FN3K: variants seen among roughly 807,000 people sequenced by gnomAD.
The protein encoded by FN3K is fructosamine 3 kinase, also known as fructosamine-3-kinase.
A neutral mutation model predicts 24.8 loss-of-function variants in FN3K; 24 were observed. The observed-to-expected ratio is 0.97, with a 90% CI of 0.70 to 1.36. FN3K has a LOEUF of 1.36. Among genes scored for constraint, FN3K ranks in the 40% most tolerant of loss-of-function variants. FN3K has a pLI of 0.00. For synonymous variants in FN3K, 192 were observed against 175.2 expected (o/e 1.10, Z -0.76); for missense variants, 449 against 416.7 (o/e 1.08, Z -0.67).
intron 4 of FN3K, among the ~76,000 whole-genome samples, chr17:82,743,927 T>C (rs1432897438): frequency 6.6e-6 from 1 of 152,188 alleles, no homozygotes; most frequent in African/African-American, 2.4e-5. Flanking sequence ...ACAGCCCCTC[T>C]GTTCAGGTGG....
At chr17:82,742,096 C>T (rs1453851203) in intron 4 of FN3K, among the ~76,000 whole-genome samples, 3 of 152,074 alleles carry the variant, frequency 2.0e-5, no homozygotes, top group African/African-American at 7.2e-5. Context: ...TTAGTAGAGA[C>T]GGGGTTTCAT....
In FN3K at chr17:82,735,643, C is replaced by A. The variant is rs761200460; in HGVS notation, c.7C>A (p.Gln3Lys). 3 of 1,538,032 alleles carry A rather than the reference C, an allele frequency of 2.0e-6. No individual in the cohort carries two copies. The highest frequency in any genetic ancestry group is 2.8e-5 in the African/African-American group (2 of 71,692). Residue 3 changes from glutamine (Q) to lysine (K), a missense_variant, in exon 1 of 6, where the codon CAG becomes AAG. Transcript: ENST00000300784. Reference sequence around the variant, plus strand: ...GTCCCGCGCCCCGCACTCCATGGAGCAGCTGCTGCGCGCCGAGCTGCGCAC... The same window carrying A: ...GTCCCGCGCCCCGCACTCCATGGAGAAGCTGCTGCGCGCCGAGCTGCGCAC... ME[Q>K]LLRAELRTAT...
chr17:82,749,951 A>G (rs4789840), intron 5 of FN3K: 54,743 of 187,958 alleles, frequency 0.29, 8,759 homozygotes, highest in Admixed American at 0.37. Context: ...CCAGCTACTC[A>G]GTAGGCTGAG....
intron 1 of FN3K, among the ~76,000 whole-genome samples, chr17:82,736,789 C>A (rs2046904305): frequency 2.0e-5 from 3 of 152,200 alleles, no homozygotes; most frequent in South Asian, 2.1e-4. Context: ...CCTGCTCTGC[C>A]GGCTCAGAAC....
chr17:82,743,683 A>G (rs2046953103), intron 4 of FN3K, among the ~76,000 whole-genome samples: 1 of 152,234 alleles, frequency 6.6e-6, no homozygotes, highest in Admixed American at 6.5e-5. Flanking sequence ...CACTTGCCCT[A>G]GCAGGTAACC....
chr17:82,740,693 A>G (rs1759378803), intron 2 of FN3K, 70 bp from the exon 3 acceptor site: 1 of 1,113,344 alleles, frequency 9.0e-7, no homozygotes, highest in South Asian at 1.3e-5. Flanking sequence ...ACCTTTCTCA[A>G]AATGGAACAA....
At chr17:82,741,216 C>T (rs1232239030) in intron 3 of FN3K, 95 bp from the exon 4 acceptor site, 23 of 1,078,804 alleles carry the variant, frequency 2.1e-5, no homozygotes, top group East Asian at 5.1e-5. Context: ...TATATTCTAG[C>T]ATGCGTAGCC....
Position 82,740,822 on chromosome 17 carries a change from G to A in FN3K, c.353G>A (p.Arg118Lys). 1 of 1,613,654 alleles carries A rather than the reference G, an allele frequency of 6.2e-7. No homozygotes were observed. Among genetic ancestry groups the A allele is most frequent in the Non-Finnish European group, 8.5e-7 (1 of 1,179,722 alleles). ...TTGCATCTTTACAACCAGAAGCTCA[G>A]GGAGAAGTTGAAGGAGGAGGAGAAC... ...ADLHLYNQKL[R>K]EKLKEEENTV... Residue 118 changes from arginine (R) to lysine (K), a missense_variant, in exon 3 of 6, where the codon AGG (arginine) becomes AAG (lysine). Coordinates refer to ENST00000300784, the MANE Select transcript of FN3K (RefSeq NM_022158.4).
chr17:82,742,784 T>C (rs1199492634), intron 4 of FN3K: 1 of 446,558 alleles, frequency 2.2e-6, no homozygotes, highest in African/African-American at 2.0e-5. Context: ...ATATAAGAGC[T>C]AGTTCAAAGT....
chr17:82,739,501 A>G (rs1443046923), intron 2 of FN3K, among the ~76,000 whole-genome samples: 3 of 137,606 alleles, frequency 2.2e-5, no homozygotes, highest in East Asian at 4.2e-4. Context: ...TCTGTCACCC[A>G]GGCTGGAGTG....
intron 5 of FN3K, chr17:82,750,035 G>T (rs2064183374): frequency 3.6e-6 from 1 of 277,814 alleles, no homozygotes; most frequent in South Asian, 3.6e-5. Context: ...TCCAGCCTGG[G>T]TGACAGAGCA....
chr17:82,741,017 T>G, intron 3 of FN3K, 163 bp downstream of exon 3: 1 of 685,384 alleles, frequency 1.5e-6, no homozygotes. Context: ...AGAATTTTGA[T>G]GTAGCTGATA....
In FN3K at chr17:82,750,950, C is replaced by CCTCCATCCCTGTCCCCCGTCCCCCTGT; in HGVS notation, c.*196_*197insTCCATCCCTGTCCCCCGTCCCCCTGTC. On this transcript the variant is annotated 3_prime_UTR_variant, in exon 6 of 6. Coordinates refer to ENST00000300784, the MANE Select transcript of FN3K (RefSeq NM_022158.4). ...CGTCCCTCCATCCCTGTCCCCCGTC[C>CCTCCATCCCTGTCCCCCGTCCCCCTGT]CCCTGTCCCCCTGTCCACATACCAA... 1 of 253,308 alleles carries CCTCCATCCCTGTCCCCCGTCCCCCTGT rather than the reference C, an allele frequency of 3.9e-6. No homozygotes were observed. The highest frequency in any genetic ancestry group is 7.1e-6 in the Non-Finnish European group (1 of 141,818). The allele number at this position is 253,308 out of a possible 1,614,324, so 15.7% of individuals were successfully genotyped here.
chr17:82,746,617 A>G (rs1184802326), intron 4 of FN3K, among the ~76,000 whole-genome samples: 1 of 152,016 alleles, frequency 6.6e-6, no homozygotes, highest in Admixed American at 6.6e-5. Flanking sequence ...CCTGGCCAAC[A>G]TGGTGAAACC....
chr17:82,738,200 T>C, intron 1 of FN3K: 1 of 418,878 alleles, frequency 2.4e-6, no homozygotes, highest in Non-Finnish European at 4.4e-6. Context: ...CCCCACGCCC[T>C]CAGTGCTCCC....
intron 4 of FN3K, chr17:82,742,825 A>C: frequency 2.3e-6 from 1 of 433,154 alleles, no homozygotes; most frequent in Non-Finnish European, 4.6e-6. Context: ...ATACTTTCAA[A>C]TCTGTCTCCT....
rs949344039 is a variant in FN3K at position 82,738,530 on chromosome 17, C to T, written c.183C>T (p.Ala61=). Residue 61 remains alanine, a synonymous_variant, in exon 2 of 6, where the codon GCC becomes GCT. Transcript: ENST00000300784. ...MFEGEVASLE[A]LRSTGLVRVP... is the part of the protein sequence containing the mutation. The stretch of plus-strand genomic sequence containing the variant: ...AGGGGGAGGTGGCCAGCCTGGAGGC[C>T]CTCAGGAGCACGGGCCTGGTGCGGG... The T allele has an allele frequency of 2.5e-6, 4 of 1,612,206 alleles. No individual in the cohort carries two copies. In the African/African-American group the frequency reaches 5.3e-5, roughly 22 times the overall value.
intron 4 of FN3K, among the ~76,000 whole-genome samples, chr17:82,744,790 G>A (rs1339141363): frequency 2.6e-5 from 4 of 152,178 alleles, no homozygotes; most frequent in Non-Finnish European, 5.9e-5. Context: ...ACAAACATGT[G>A]AACAAAGGTC....
rs750001644 is a variant in FN3K at position 82,750,638 on chromosome 17, G to A, written c.813G>A (p.Pro271=). The change falls in exon 6 of 6, where the codon CCG becomes CCA. Residue 271 remains proline (P), a synonymous_variant. Transcript: ENST00000300784. The part of the protein sequence containing the change: ...TAYHRKIPKA[P]GFDQRLLLYQ... ...ACCACCGGAAGATCCCCAAGGCTCCGGGCTTCGACCAGCGGCTGCTGCTCT... is the reference window on the plus strand; with the variant it reads ...ACCACCGGAAGATCCCCAAGGCTCCAGGCTTCGACCAGCGGCTGCTGCTCT... 1.2e-5 allele frequency: 19 copies of A among 1,613,998 alleles called. No homozygotes were observed. In the South Asian group the frequency reaches 1.4e-4, roughly 12 times the overall value.
Sources: gnomAD v4.1 joint callset for allele counts (sites outside exome capture counted in the v4.1 genomes callset) on GRCh38, gnomAD v4.1.1 for gene constraint, MANE v1.5 for transcripts, NCBI Gene and HGNC (gene_info 2026-07-23, HGNC 2026-07-21) for gene names.